AGO3: variants seen among roughly 807,000 people sequenced by gnomAD.
The protein encoded by AGO3 is argonaute RISC catalytic component 3.
In AGO3, 16 loss-of-function variants were observed where a neutral mutation model predicts 105.5. The ratio of observed to expected loss-of-function variants is 0.15; its 90% CI spans 0.10 to 0.23. The LOEUF is 0.23. Among genes scored for constraint, AGO3 ranks in the 10% least tolerant of loss-of-function variants. AGO3 has a pLI of 1.00. For synonymous variants in AGO3, 340 were observed against 367.3 expected, an observed-to-expected ratio of 0.93 and a Z score of 0.85; for missense variants, 534 against 1,088.0, an observed-to-expected ratio of 0.49 and a Z score of 7.16.
chr1:35,944,274 A>G (rs1054799216), intron 1 of AGO3, among the ~76,000 whole-genome samples: 1 of 151,890 alleles, frequency 6.6e-6, no homozygotes, highest in Admixed American at 6.6e-5. Flanking sequence ...CATTTTGCCC[A>G]GGCTAGTCTC....
intron 17 of AGO3, among the ~76,000 whole-genome samples, chr1:36,052,442 A>C (rs1020682057): frequency 1.3e-5 from 2 of 152,200 alleles, no homozygotes; most frequent in Admixed American, 6.5e-5. Flanking sequence ...TAACAGATAC[A>C]AAATTACAAC....
intron 5 of AGO3, among the ~76,000 whole-genome samples, chr1:36,003,199 G>A (rs548096714): frequency 2.0e-5 from 3 of 151,644 alleles, no homozygotes; most frequent in Non-Finnish European, 4.4e-5. Context: ...CTGTCTTATG[G>A]TTTTACTTTT....
intron 13 of AGO3, among the ~76,000 whole-genome samples, chr1:36,034,673 A>G (rs1569882416): frequency 6.6e-6 from 1 of 152,202 alleles, no homozygotes; most frequent in Non-Finnish European, 1.5e-5. Flanking sequence ...AGTACCTCTT[A>G]CCTAGCCAGA....
intron 5 of AGO3, among the ~76,000 whole-genome samples, chr1:35,975,544 T>G (rs980818464): frequency 6.6e-5 from 10 of 152,200 alleles, no homozygotes; most frequent in African/African-American, 2.2e-4. Context: ...TGATGTTTTT[T>G]TTGTTGTTGT....
upstream of AGO3, chr1:35,931,002 C>T (rs896207094): frequency 1.1e-5 from 4 of 353,890 alleles, no homozygotes; most frequent in Non-Finnish European, 5.1e-6. Flanking sequence ...GCTCCTGCCC[C>T]GACGTCGCTC....
chr1:35,989,821 C>T (rs1470024426), intron 5 of AGO3, among the ~76,000 whole-genome samples: 3 of 151,928 alleles, frequency 2.0e-5, no homozygotes, highest in Non-Finnish European at 4.4e-5. Flanking sequence ...TTCCAGTGAG[C>T]CATGATCTCA....
At chr1:35,993,219 C>A (rs1647851465) in intron 5 of AGO3, among the ~76,000 whole-genome samples, 1 of 151,946 alleles carries the variant, frequency 6.6e-6, no homozygotes, top group South Asian at 2.1e-4. Flanking sequence ...CAGTTTCTGA[C>A]TTAAGCTAGA....
At chr1:36,010,965 GAGAA>G (rs1640585240) in intron 9 of AGO3, among the ~76,000 whole-genome samples, 1 of 151,630 alleles carries the variant, frequency 6.6e-6, no homozygotes. Context: ...GAAAAAGAGA[GAGAA>G]AGAAAAGAAA....
At position 36,009,558 on chromosome 1, in the gene AGO3, A is replaced by G. The variant is rs764821135; in HGVS notation, c.1113A>G (p.Arg371=). The G allele has an allele frequency of 6.2e-7, 1 of 1,613,742 alleles. No individual in the cohort carries two copies. The highest frequency in any genetic ancestry group is 8.5e-7 in the Non-Finnish European group (1 of 1,179,900). ...QTSTMIKATA[R]SAPDRQEEIS... ...CCACTATGATCAAGGCAACAGCAAG[A>G]TCTGCACCAGATAGACAAGAGGAAA... Residue 371 remains arginine, a synonymous_variant, in exon 9 of 19, where the codon AGA becomes AGG. Transcript: ENST00000373191.
chr1:36,057,691 A>G lies in AGO3; in HGVS notation c.*1946A>G, dbSNP rs1174568340. 1 of 152,182 alleles carries G rather than the reference A, an allele frequency of 6.6e-6. No homozygotes were observed. The highest frequency in any genetic ancestry group is 1.5e-5 in the Non-Finnish European group (1 of 68,044). 9.4% of individuals were successfully genotyped at this position (152,182 alleles called of 1,614,324 possible). A position where few individuals can be genotyped will look rare whatever the true frequency, so the allele number is the denominator to read the frequency against. ...CATATCTTTTAAAATTCATCATGATAAAAGGCTGGACGCGGTGGCTCATGC... is the reference window on the plus strand; with the variant it reads ...CATATCTTTTAAAATTCATCATGATGAAAGGCTGGACGCGGTGGCTCATGC... On this transcript the variant is annotated 3_prime_UTR_variant, in exon 19 of 19. Coordinates refer to ENST00000373191, the MANE Select transcript of AGO3 (RefSeq NM_024852.4).
intron 12 of AGO3, among the ~76,000 whole-genome samples, chr1:36,033,460 T>C (rs1000879117): frequency 6.6e-6 from 1 of 151,196 alleles, no homozygotes; most frequent in Non-Finnish European, 1.5e-5. Context: ...GGCACCATGG[T>C]GAGACCTCCC....
intron 2 of AGO3, among the ~76,000 whole-genome samples, chr1:35,958,231 A>G (rs1324476542): frequency 1.3e-5 from 2 of 151,888 alleles, no homozygotes; most frequent in Non-Finnish European, 2.9e-5. Flanking sequence ...AAATAAAAAA[A>G]TTAGCCAGGC....
intron 5 of AGO3, among the ~76,000 whole-genome samples, chr1:35,981,304 T>A (rs906166756): frequency 1.3e-5 from 2 of 152,174 alleles, no homozygotes; most frequent in Admixed American, 1.3e-4. Flanking sequence ...AAACCATCTG[T>A]TAGAAGGGAC....
rs561115900 is a variant in AGO3 at position 35,968,646 on chromosome 1, C to G, written c.312+1571C>G. On this transcript the variant is annotated intron_variant, in intron 3 of 18. Coordinates refer to ENST00000373191, the MANE Select transcript of AGO3 (RefSeq NM_024852.4). The stretch of plus-strand genomic sequence containing the variant: ...TATGTATGTAACACATTTTGTTAAT[C>G]CCTTCATGCATCAATGGACACCTTT... 7.9e-5 allele frequency among the ~76,000 whole-genome samples: 12 copies of G among 152,258 alleles called. No homozygotes were observed. The South Asian group carries it at 2.5e-3, about 31-fold the overall frequency.
chr1:36,011,307 G>A (rs1330466713), intron 9 of AGO3, among the ~76,000 whole-genome samples: 2 of 151,850 alleles, frequency 1.3e-5, no homozygotes, highest in African/African-American at 2.4e-5. Context: ...TTTCACCTTT[G>A]GCAAAAACTG....
intron 2 of AGO3, among the ~76,000 whole-genome samples, chr1:35,965,768 C>G (rs1646761943): frequency 6.6e-6 from 1 of 150,854 alleles, no homozygotes; most frequent in Non-Finnish European, 1.5e-5. Flanking sequence ...TTTATTGTTC[C>G]AGAAAATGCT....
rs1198776727 is a variant in AGO3, at chr1:36,055,496, T to A, written c.2475-141T>A. 2.5e-6 allele frequency: 2 copies of A among 787,410 alleles called. No individual in the cohort carries two copies. Among genetic ancestry groups the A allele is most frequent in the East Asian group, 5.3e-5 (2 of 37,566 alleles). 48.8% of individuals were successfully genotyped at this position (787,410 alleles called of 1,614,324 possible). A position where few individuals can be genotyped will look rare whatever the true frequency, so the allele number is the denominator to read the frequency against. ...GCCTTGAGTTAATAGTGATTGAAGC[T>A]GAGTGATGGACACATAGATTGTTAC... On this transcript the variant is annotated intron_variant, in intron 18 of 18. Coordinates refer to ENST00000373191, the MANE Select transcript of AGO3 (RefSeq NM_024852.4). This position sits in a 1 kb window ranked among gnomAD's most constrained non-coding sequence, Gnocchi z 4.4.
chr1:35,973,533 T>A, intron 5 of AGO3, 22 bp downstream of exon 5: 1 of 1,519,570 alleles, frequency 6.6e-7, no homozygotes, highest in East Asian at 2.4e-5. Flanking sequence ...AAAGCCATAT[T>A]CTGTATTGGG....
At chr1:35,993,345 A>T (rs896674884) in intron 5 of AGO3, among the ~76,000 whole-genome samples, 7 of 152,134 alleles carry the variant, frequency 4.6e-5, no homozygotes, top group African/African-American at 7.2e-5. Flanking sequence ...TTGGTTATTT[A>T]AAAAAAATAA....
Sources: gnomAD v4.1 joint callset for allele counts (sites outside exome capture counted in the v4.1 genomes callset) on GRCh38, gnomAD v4.1.1 for gene constraint, Gnocchi (gnomAD v3.1) non-coding constraint, MANE v1.5 for transcripts, NCBI Gene and HGNC (gene_info 2026-07-23, HGNC 2026-07-21) for gene names.